The following PTCHD4 variants were observed in gnomAD, a reference collection of about 807,000 sequenced individuals.
PTCHD4 encodes patched domain-containing protein 4.
In PTCHD4, 33 loss-of-function variants were observed where a neutral mutation model predicts 58.1. The observed-to-expected ratio is 0.57, with a 90% CI of 0.43 to 0.76. The LOEUF (loss-of-function observed/expected upper bound fraction) is 0.76, where lower values mean the gene tolerates loss of function less well. Ranked by LOEUF, PTCHD4 falls within the 30% of genes least tolerant of loss-of-function variation. The pLI is 0.00. For synonymous variants in PTCHD4, 478 were observed against 409.6 expected (o/e 1.17, Z -2.02); for missense variants, 1,058 against 1,027.1 (o/e 1.03, Z -0.41).
At position 47,857,786 on chromosome 6, in the gene PTCHD4, A is replaced by G. The variant is rs1208187953; in HGVS notation, c.*20517T>C. On this transcript the variant is annotated 3_prime_UTR_variant, in exon 5 of 5. Coordinates refer to ENST00000339488, the MANE Select transcript of PTCHD4 (RefSeq NM_001384253.1). ...AAAGATGACACTACATTGAGCACACAGGTATTAAACATACAAATGATTGGC... is the reference window on the plus strand; with the variant it reads ...AAAGATGACACTACATTGAGCACACGGGTATTAAACATACAAATGATTGGC... 2.0e-5 allele frequency among the ~76,000 whole-genome samples: 3 copies of G among 152,042 alleles called. No homozygotes were observed. The highest frequency in any genetic ancestry group is 7.2e-5 in the African/African-American group (3 of 41,438).
chr6:48,066,091 G>A (rs1233474659), intron 3 of PTCHD4, among the ~76,000 whole-genome samples: 2 of 150,978 alleles, frequency 1.3e-5, no homozygotes, highest in African/African-American at 4.9e-5. Context: ...TGAGGACACT[G>A]ACATCTACTT....
At chr6:47,946,675 T>C (rs1034002594) in intron 4 of PTCHD4, among the ~76,000 whole-genome samples, 8 of 152,180 alleles carry the variant, frequency 5.3e-5, no homozygotes, top group South Asian at 2.1e-4. Context: ...ACATCGATTG[T>C]GATTTCTAAT....
chr6:47,919,328 AG>A (rs1374148612), intron 4 of PTCHD4, among the ~76,000 whole-genome samples: 1 of 152,206 alleles, frequency 6.6e-6, no homozygotes, highest in Non-Finnish European at 1.5e-5. Context: ...GAAGGCCTTC[AG>A]AAAATAATAA....
chr6:47,921,235 A>G (rs1297241474), intron 4 of PTCHD4, among the ~76,000 whole-genome samples: 3 of 152,186 alleles, frequency 2.0e-5, no homozygotes, highest in Non-Finnish European at 2.9e-5. Context: ...TTCAAGAGTT[A>G]ATATGATAGG....
chr6:48,090,252 T>C (rs996311535), intron 1 of PTCHD4, among the ~76,000 whole-genome samples: 4 of 152,246 alleles, frequency 2.6e-5, no homozygotes, highest in African/African-American at 9.6e-5. Context: ...AGTCACTGCA[T>C]ATCTACTATA....
At chr6:48,023,545 C>T (rs1763140249) in intron 3 of PTCHD4, among the ~76,000 whole-genome samples, 1 of 152,140 alleles carries the variant, frequency 6.6e-6, no homozygotes, top group Non-Finnish European at 1.5e-5. Flanking sequence ...CTTGCTATCA[C>T]ATATAAATAT....
At chr6:48,035,244 C>G (rs868405386) in intron 3 of PTCHD4, among the ~76,000 whole-genome samples, 1 of 152,002 alleles carries the variant, frequency 6.6e-6, no homozygotes, top group African/African-American at 2.4e-5. Context: ...TCTAACAGCT[C>G]AGACTCTATT....
intron 4 of PTCHD4, among the ~76,000 whole-genome samples, chr6:47,945,752 A>C (rs1766392218): frequency 6.6e-6 from 1 of 151,824 alleles, no homozygotes; most frequent in Non-Finnish European, 1.5e-5. Flanking sequence ...CTATCTATGA[A>C]AATTATAAAT....
In PTCHD4 at chr6:47,874,676, C is replaced by T. The variant is rs1263522151; in HGVS notation, c.*3627G>A. 2.6e-5 allele frequency among the ~76,000 whole-genome samples: 4 copies of T among 151,772 alleles called. No homozygotes were observed. The highest frequency in any genetic ancestry group is 3.4e-3 in the Middle Eastern group (1 of 294). On this transcript the variant is annotated 3_prime_UTR_variant, in exon 5 of 5. Coordinates refer to ENST00000339488, the MANE Select transcript of PTCHD4 (RefSeq NM_001384253.1). ...TTTGTCATCATTATTCTTCTCACCT[C>T]ACAAGGTAAAAACCTAAATTCTGTG...
intron 1 of PTCHD4, among the ~76,000 whole-genome samples, chr6:48,106,929 G>T (rs9463373): frequency 6.6e-6 from 1 of 151,996 alleles, no homozygotes; most frequent in East Asian, 1.9e-4. Context: ...AACTACAAAC[G>T]ACTGCTCAAT....
At chr6:47,916,640 G>GAC (rs1405764822) in intron 4 of PTCHD4, among the ~76,000 whole-genome samples, 2 of 143,772 alleles carry the variant, frequency 1.4e-5, no homozygotes, top group Admixed American at 1.4e-4. Context: ...CCCCAGTTCA[G>GAC]ACACACACAT....
At chr6:47,920,897 G>T (rs1326992618) in intron 4 of PTCHD4, among the ~76,000 whole-genome samples, 1 of 152,124 alleles carries the variant, frequency 6.6e-6, no homozygotes, top group Non-Finnish European at 1.5e-5. Flanking sequence ...AATAGATTCT[G>T]CCTATTATTG....
intron 4 of PTCHD4, among the ~76,000 whole-genome samples, chr6:47,995,165 CTA>C (rs1477083012): frequency 6.6e-6 from 1 of 152,120 alleles, no homozygotes; most frequent in Non-Finnish European, 1.5e-5. Context: ...ATCAGAAACA[CTA>C]TTTACTTAGT....
intron 4 of PTCHD4, among the ~76,000 whole-genome samples, chr6:48,005,503 T>C (rs191071795): frequency 1.3e-5 from 2 of 152,190 alleles, no homozygotes; most frequent in African/African-American, 4.8e-5. Context: ...CATTATCGTG[T>C]ATACCACCAG....
At chr6:47,926,602 AG>A (rs1214204312) in intron 4 of PTCHD4, among the ~76,000 whole-genome samples, 1 of 152,214 alleles carries the variant, frequency 6.6e-6, no homozygotes, top group Non-Finnish European at 1.5e-5. Context: ...TAGGCTTGAA[AG>A]TATTGGTTTC....
intron 4 of PTCHD4, among the ~76,000 whole-genome samples, chr6:47,910,076 T>A (rs567755842): frequency 6.6e-6 from 1 of 152,340 alleles, no homozygotes; most frequent in South Asian, 2.1e-4. Context: ...ACTTAAGATC[T>A]TGGCACTATT....
At chr6:47,973,926 T>C (rs1037807264) in intron 4 of PTCHD4, among the ~76,000 whole-genome samples, 1 of 152,134 alleles carries the variant, frequency 6.6e-6, no homozygotes, top group Non-Finnish European at 1.5e-5. Flanking sequence ...AGTTATCAAG[T>C]AGTAACATCA....
rs759950059 is a variant in PTCHD4, at chr6:48,008,916, G to T, written c.616C>A (p.His206Asn). 1 of 1,613,964 alleles carries T rather than the reference G, an allele frequency of 6.2e-7. No homozygotes were observed. The part of the protein sequence containing the change: ...CKLIRKLQEE[H>N]QELQLYSLAS... ...AAAGAGTAGAGCTGGAGTTCTTGAT[G>T]CTCCTCCTGGAGCTTCCTTATAAGC... is the stretch of plus-strand genomic sequence containing the variant. The change falls in exon 4 of 5, where the codon CAT becomes AAT. Residue 206 changes from histidine to asparagine, a missense_variant. His to Asn is a moderately conservative substitution (Grantham distance 68, BLOSUM62 1). Coordinates refer to ENST00000339488, the MANE Select transcript of PTCHD4 (RefSeq NM_001384253.1).
At chr6:48,085,611 T>A (rs142512718) in intron 1 of PTCHD4, among the ~76,000 whole-genome samples, 9 of 152,366 alleles carry the variant, frequency 5.9e-5, no homozygotes, top group Admixed American at 5.9e-4. Flanking sequence ...TTGACAGTCC[T>A]AATTACTTTC....
Sources: gnomAD v4.1 joint callset for allele counts (sites outside exome capture counted in the v4.1 genomes callset) on GRCh38, gnomAD v4.1.1 for gene constraint, MANE v1.5 for transcripts, NCBI Gene and HGNC (gene_info 2026-07-23, HGNC 2026-07-21) for gene names.